The following CNTN3 variants were observed in gnomAD, a reference collection of about 807,000 sequenced individuals.
The protein encoded by CNTN3 is contactin 3, also known as contactin-3.
In CNTN3, 60 loss-of-function variants were observed where a neutral mutation model predicts 119.1. The observed-to-expected ratio is 0.50, with a 90% CI of 0.41 to 0.62. The LOEUF is 0.62. Ranked by LOEUF, CNTN3 falls within the 20% of genes least tolerant of loss-of-function variation. CNTN3 has a pLI of 0.00. For missense variants in CNTN3, 1,101 were observed against 1,242.4 expected (o/e 0.89, Z 1.71); for synonymous variants, 450 against 438.7 (o/e 1.03, Z -0.32).
intron 13 of CNTN3, among the ~76,000 whole-genome samples, chr3:74,322,443 A>G (rs1703018806): frequency 6.6e-6 from 1 of 152,330 alleles, no homozygotes; most frequent in Non-Finnish European, 1.5e-5. Context: ...TTAAAACGAG[A>G]TACCACTACA....
chr3:74,544,510 C>A (rs1409634046), intron 1 of CNTN3, among the ~76,000 whole-genome samples: 2 of 152,096 alleles, frequency 1.3e-5, no homozygotes, highest in Non-Finnish European at 2.9e-5. Context: ...ACCCTCCTCC[C>A]CACTTGGACT....
chr3:74,565,338 T>C (rs1704210943), intron 1 of CNTN3, among the ~76,000 whole-genome samples: 1 of 152,130 alleles, frequency 6.6e-6, no homozygotes, highest in South Asian at 2.1e-4. Flanking sequence ...GGCCCCTTCC[T>C]CCATTCTCAA....
In CNTN3 at chr3:74,418,796, CT is replaced by C. The variant is rs914388844; in HGVS notation, c.454+6048del. 2.2e-3 allele frequency among the ~76,000 whole-genome samples: 327 copies of C among 147,400 alleles called. 2 individuals are homozygous for C. The highest frequency in any genetic ancestry group is 7.5e-3 in the African/African-American group (300 of 40,068). On this transcript the variant is annotated intron_variant, in intron 5 of 22. Transcript: ENST00000263665. ...TTATTTTATTTTAAATTTTTTTTAT[CT>C]TTTTTTTTGGAGACAGAATCTCACT...
At chr3:74,409,447 T>C (rs1355599105) in intron 5 of CNTN3, among the ~76,000 whole-genome samples, 1 of 139,858 alleles carries the variant, frequency 7.2e-6, no homozygotes, top group African/African-American at 2.6e-5. Context: ...TCCAGTTTTT[T>C]GTGCTGCCTG....
chr3:74,462,795 C>A (rs1702393675), intron 4 of CNTN3, among the ~76,000 whole-genome samples: 2 of 152,244 alleles, frequency 1.3e-5, no homozygotes, highest in Non-Finnish European at 1.5e-5. Context: ...TCTGATTCAC[C>A]TTTGATCCCC....
At chr3:74,348,242 A>G (rs1168382430) in intron 11 of CNTN3, among the ~76,000 whole-genome samples, 2 of 152,022 alleles carry the variant, frequency 1.3e-5, no homozygotes, top group African/African-American at 4.8e-5. Context: ...TGATATGATA[A>G]TTAGCTTGAT....
At chr3:74,362,751 G>GA in intron 10 of CNTN3, among the ~76,000 whole-genome samples, 1 of 152,178 alleles carries the variant, frequency 6.6e-6, no homozygotes, top group East Asian at 1.9e-4. Flanking sequence ...CTGCAAATGT[G>GA]AAAAACATTA....
intron 5 of CNTN3, among the ~76,000 whole-genome samples, chr3:74,398,568 A>G (rs1218652970): frequency 1.3e-5 from 2 of 152,204 alleles, no homozygotes; most frequent in Admixed American, 1.3e-4. Context: ...GGTGGTGTAG[A>G]TGGGTCCCAG....
At chr3:74,282,728 G>T (rs1448900328) in intron 20 of CNTN3, among the ~76,000 whole-genome samples, 1 of 152,138 alleles carries the variant, frequency 6.6e-6, no homozygotes, top group Non-Finnish European at 1.5e-5. Context: ...CAAAGCTTAG[G>T]AAGACTATTT....
intron 3 of CNTN3, among the ~76,000 whole-genome samples, chr3:74,489,068 A>G (rs550668518): frequency 9.2e-5 from 14 of 152,276 alleles, no homozygotes; most frequent in African/African-American, 3.1e-4. Context: ...AGAAATTCAG[A>G]AAAGCAAGTA....
chr3:74,560,400 C>T (rs775264021), intron 1 of CNTN3, among the ~76,000 whole-genome samples: 1 of 152,086 alleles, frequency 6.6e-6, no homozygotes. Flanking sequence ...GTCTTACTTG[C>T]TTACAAATGC....
intron 11 of CNTN3, among the ~76,000 whole-genome samples, chr3:74,342,562 G>T (rs1703573277): frequency 6.6e-6 from 1 of 152,062 alleles, no homozygotes; most frequent in African/African-American, 2.4e-5. Flanking sequence ...GATGGACCTT[G>T]GCTCTACTCT....
At chr3:74,330,446 C>T (rs1225072708) in intron 13 of CNTN3, among the ~76,000 whole-genome samples, 2 of 152,014 alleles carry the variant, frequency 1.3e-5, no homozygotes, top group African/African-American at 4.8e-5. Flanking sequence ...TGTGATGATG[C>T]TGAGGTAAAC....
chr3:74,364,261 G>C (rs756748471), intron 10 of CNTN3, among the ~76,000 whole-genome samples: 3 of 151,932 alleles, frequency 2.0e-5, no homozygotes, highest in Non-Finnish European at 4.4e-5. Flanking sequence ...CTTAACCCTT[G>C]GTCCTCAATT....
At chr3:74,572,265 C>G (rs1325097227) in intron 1 of CNTN3, among the ~76,000 whole-genome samples, 1 of 152,074 alleles carries the variant, frequency 6.6e-6, no homozygotes, top group Non-Finnish European at 1.5e-5. Flanking sequence ...CAATACACTT[C>G]CTGATTAACC....
At chr3:74,534,760 T>G (rs1703739843) in intron 1 of CNTN3, among the ~76,000 whole-genome samples, 1 of 152,040 alleles carries the variant, frequency 6.6e-6, no homozygotes, top group African/African-American at 2.4e-5. Flanking sequence ...CAGTTAAGTA[T>G]GATATATACA....
chr3:74,442,373 C>T (rs1701982538), intron 4 of CNTN3, among the ~76,000 whole-genome samples: 1 of 152,068 alleles, frequency 6.6e-6, no homozygotes, highest in South Asian at 2.1e-4. Context: ...CGATAACACC[C>T]TTCCTTCCTC....
rs536076198 is a variant in CNTN3 at position 74,470,810 on chromosome 3, T to C, written c.358+15646A>G. Among the ~76,000 whole-genome samples the C allele has an allele frequency of 5.9e-5, 9 of 152,306 alleles. No homozygotes were observed. The East Asian group carries it at 1.2e-3, about 20-fold the overall frequency. ...CTGGTCTTCCAATGTTGCTGTGAAC[T>C]GCACTACTATCCATCCAACTCAATG... is the stretch of plus-strand genomic sequence containing the variant. On this transcript the variant is annotated intron_variant, in intron 4 of 22. Coordinates refer to ENST00000263665, the MANE Select transcript of CNTN3 (RefSeq NM_020872.3).
At chr3:74,368,688 C>A (rs1704259712) in intron 8 of CNTN3, among the ~76,000 whole-genome samples, 1 of 151,768 alleles carries the variant, frequency 6.6e-6, no homozygotes, top group South Asian at 2.1e-4. Flanking sequence ...TTAAAGGCAG[C>A]AAACAGAGTA....
Sources: allele counts gnomAD v4.1 joint callset (sites outside exome capture counted in the v4.1 genomes callset), GRCh38; gene constraint gnomAD v4.1.1; transcripts MANE v1.5; gene names NCBI Gene and HGNC (gene_info 2026-07-23, HGNC 2026-07-21).